The following FGGY variants were observed in gnomAD, a reference collection of about 807,000 sequenced individuals.
FGGY encodes the protein FGGY carbohydrate kinase domain containing, also known as FGGY carbohydrate kinase domain-containing protein.
A neutral mutation model predicts 71.3 loss-of-function variants in FGGY; 72 were observed. The ratio of observed to expected loss-of-function variants is 1.01; its 90% CI spans 0.84 to 1.23. FGGY has a LOEUF of 1.23. Among genes scored for constraint, FGGY ranks in the 50% most tolerant of loss-of-function variants. The pLI is 0.00. For missense variants in FGGY, 668 were observed against 682.3 expected, an observed-to-expected ratio of 0.98 and a Z score of 0.23; for synonymous variants, 251 against 250.3, an observed-to-expected ratio of 1.00 and a Z score of -0.02.
intron 7 of FGGY, among the ~76,000 whole-genome samples, chr1:59,546,615 C>T (rs150626659): frequency 7.7e-4 from 117 of 152,032 alleles, no homozygotes; most frequent in African/African-American, 2.4e-3. Flanking sequence ...CTGCAATCTC[C>T]GGCTCAGTGC....
At chr1:59,696,296 C>G (rs965362066) in intron 14 of FGGY, among the ~76,000 whole-genome samples, 4 of 152,096 alleles carry the variant, frequency 2.6e-5, no homozygotes, top group East Asian at 1.9e-4. Flanking sequence ...AGAAAAGTAC[C>G]TAGCATTAAA....
intron 8 of FGGY, among the ~76,000 whole-genome samples, chr1:59,570,181 A>G (rs911906554): frequency 6.6e-6 from 1 of 152,150 alleles, no homozygotes; most frequent in Admixed American, 6.5e-5. Flanking sequence ...GATATATGAG[A>G]ATCTGTAATT....
intron 10 of FGGY, among the ~76,000 whole-genome samples, chr1:59,628,169 G>A (rs2096876885): frequency 6.6e-6 from 1 of 152,160 alleles, no homozygotes; most frequent in African/African-American, 2.4e-5. Flanking sequence ...TAGTATATAA[G>A]TATGGCAGAC....
intron 8 of FGGY, among the ~76,000 whole-genome samples, chr1:59,587,113 G>T (rs1227341381): frequency 4.6e-5 from 7 of 152,200 alleles, no homozygotes; most frequent in Non-Finnish European, 1.0e-4. Flanking sequence ...TTTCCAATGG[G>T]CTTAAAAAAT....
intron 6 of FGGY, among the ~76,000 whole-genome samples, chr1:59,496,974 C>T (rs1558126766): frequency 6.6e-6 from 1 of 152,162 alleles, no homozygotes; most frequent in South Asian, 2.1e-4. Context: ...GGCAACATGA[C>T]AATTATATGT....
In FGGY at chr1:59,379,162, A is replaced by AACACACAC. The variant is rs55986439; in HGVS notation, c.554+349_554+356dup. Among the ~76,000 whole-genome samples the AACACACAC allele has an allele frequency of 9.3e-3, 1,339 of 143,222 alleles. 17 individuals carry two copies. The highest frequency in any genetic ancestry group is 0.025 in the African/African-American group (991 of 38,996). 94.0% of individuals were successfully genotyped at this position (143,222 alleles called of 152,430 possible). On this transcript the variant is annotated intron_variant, in intron 5 of 15. Coordinates refer to ENST00000303721, the MANE Select transcript of FGGY (RefSeq NM_018291.5). ...ACATGATGAATAAAAGGAAAAAATAAACACACACACACACACACACACACA... is the reference window on the plus strand; with the variant it reads ...ACATGATGAATAAAAGGAAAAAATAAACACACACACACACACACACACACACACACACA...
chr1:59,601,643 T>C (rs776301154), intron 8 of FGGY, among the ~76,000 whole-genome samples: 1 of 152,208 alleles, frequency 6.6e-6, no homozygotes, highest in Non-Finnish European at 1.5e-5. Context: ...TACAAGTCAC[T>C]TGATATCTGA....
At chr1:59,475,473 C>T (rs1188416032) in intron 6 of FGGY, among the ~76,000 whole-genome samples, 1 of 152,182 alleles carries the variant, frequency 6.6e-6, no homozygotes, top group Non-Finnish European at 1.5e-5. Context: ...TCTTTTCATG[C>T]ACTATTGTGC....
intron 10 of FGGY, among the ~76,000 whole-genome samples, chr1:59,636,209 C>T (rs1319669297): frequency 6.6e-6 from 1 of 152,200 alleles, no homozygotes; most frequent in Non-Finnish European, 1.5e-5. Flanking sequence ...ATCACACGCA[C>T]TCACACACAC....
intron 14 of FGGY, among the ~76,000 whole-genome samples, chr1:59,724,034 G>A (rs1474309423): frequency 6.6e-6 from 1 of 151,852 alleles, no homozygotes; most frequent in Non-Finnish European, 1.5e-5. Flanking sequence ...ATGGTGGCAG[G>A]GGCCTGTAAT....
chr1:59,528,355 T>C (rs1433485929), intron 7 of FGGY, among the ~76,000 whole-genome samples: 3 of 152,132 alleles, frequency 2.0e-5, no homozygotes, highest in African/African-American at 4.8e-5. Flanking sequence ...ACCACCCCCA[T>C]TTAAAGAGAG....
chr1:59,338,560 C>T (rs1272509140), intron 2 of FGGY, among the ~76,000 whole-genome samples: 1 of 152,000 alleles, frequency 6.6e-6, no homozygotes, highest in African/African-American at 2.4e-5. Flanking sequence ...GGCCAATTTC[C>T]ATAACCCCAA....
In FGGY at chr1:59,394,734, T is replaced by C. The variant is rs146373870; in HGVS notation, c.554+15897T>C. Among the ~76,000 whole-genome samples the C allele has an allele frequency of 2.8e-4, 42 of 152,306 alleles. No homozygotes were observed. In the East Asian group the frequency reaches 7.3e-3, roughly 27 times the overall value. On this transcript the variant is annotated intron_variant, in intron 5 of 15. Coordinates refer to ENST00000303721, the MANE Select transcript of FGGY (RefSeq NM_018291.5). ...GATTTGCATTGAAAAACCCATGGAC[T>C]ATCACTTTACATATTTATTTCCTTA...
intron 4 of FGGY, among the ~76,000 whole-genome samples, chr1:59,361,541 T>G (rs185551308): frequency 6.6e-6 from 1 of 152,292 alleles, no homozygotes; most frequent in Admixed American, 6.5e-5. Context: ...TGCAGTATAG[T>G]GAGAGCTTAG....
chr1:59,644,016 A>T (rs960678300), intron 11 of FGGY, among the ~76,000 whole-genome samples: 18 of 152,184 alleles, frequency 1.2e-4, no homozygotes, highest in African/African-American at 4.3e-4. Flanking sequence ...TTCATAGTGA[A>T]CCATGTTCCT....
At chr1:59,355,993 ATTAT>A (rs1193549636) in intron 4 of FGGY, among the ~76,000 whole-genome samples, 62 of 152,154 alleles carry the variant, frequency 4.1e-4, no homozygotes, top group Non-Finnish European at 1.0e-4. Context: ...GAAAATTCAG[ATTAT>A]TTATTTTCCT....
intron 14 of FGGY, among the ~76,000 whole-genome samples, chr1:59,693,926 G>A (rs2097623046): frequency 6.6e-6 from 1 of 152,032 alleles, no homozygotes; most frequent in South Asian, 2.1e-4. Flanking sequence ...AGGATTGCTT[G>A]AACCTGGGAG....
At chr1:59,476,009 C>G (rs1297804557) in intron 6 of FGGY, among the ~76,000 whole-genome samples, 1 of 152,216 alleles carries the variant, frequency 6.6e-6, no homozygotes, top group Non-Finnish European at 1.5e-5. Flanking sequence ...TACCATGCCC[C>G]CACGTAGTCA....
intron 6 of FGGY, among the ~76,000 whole-genome samples, chr1:59,467,111 C>T (rs930636424): frequency 7.9e-5 from 12 of 152,112 alleles, no homozygotes; most frequent in Non-Finnish European, 1.5e-4. Context: ...CGAATTTCCA[C>T]CAATGATAGA....
Sources: gnomAD v4.1 joint callset for allele counts (sites outside exome capture counted in the v4.1 genomes callset) on GRCh38, gnomAD v4.1.1 for gene constraint, MANE v1.5 for transcripts, NCBI Gene and HGNC (gene_info 2026-07-23, HGNC 2026-07-21) for gene names.